ROBO2: variants seen among roughly 807,000 people sequenced by gnomAD.
The protein encoded by ROBO2 is roundabout guidance receptor 2.
ROBO2 carries 53 observed loss-of-function variants against 160.8 expected under a neutral mutation model. That is an observed-to-expected ratio of 0.33 (90% confidence interval 0.26 to 0.41). The LOEUF is 0.41. Ranked by LOEUF, ROBO2 falls within the 10% of genes least tolerant of loss-of-function variation. The pLI, the probability that ROBO2 is intolerant of heterozygous loss-of-function variation, is 1.00. For synonymous variants in ROBO2, 664 were observed against 611.7 expected, an observed-to-expected ratio of 1.09 and a Z score of -1.26; for missense variants, 1,577 against 1,722.4, an observed-to-expected ratio of 0.92 and a Z score of 1.49.
chr3:77,481,173 T>C, exon 4 of ROBO2: 2 of 1,607,418 alleles, frequency 1.2e-6, no homozygotes, highest in Non-Finnish European at 1.7e-6. Context: ...TTGGTACCAA[T>C]ATGGTGGGAG....
intron 2 of ROBO2, among the ~76,000 whole-genome samples, chr3:76,722,100 C>A (rs1030564517): frequency 5.3e-5 from 8 of 152,012 alleles, no homozygotes; most frequent in African/African-American, 1.7e-4. Flanking sequence ...AAAGAGTGAA[C>A]CAACTGTAAA....
chr3:76,779,233 A>T (rs1027167032), intron 2 of ROBO2, among the ~76,000 whole-genome samples: 2 of 151,034 alleles, frequency 1.3e-5, no homozygotes, highest in African/African-American at 4.8e-5. Flanking sequence ...CAAAGTAAGG[A>T]GTTTGAGGAT....
intron 2 of ROBO2, among the ~76,000 whole-genome samples, chr3:77,472,579 T>A (rs2083464184): frequency 6.6e-6 from 1 of 152,288 alleles, no homozygotes; most frequent in Middle Eastern, 3.4e-3. Flanking sequence ...AGCTCACATA[T>A]GGAAGTGAAT....
At chr3:77,177,842 C>A (rs576426918) in intron 2 of ROBO2, among the ~76,000 whole-genome samples, 1 of 152,008 alleles carries the variant, frequency 6.6e-6, no homozygotes, top group Non-Finnish European at 1.5e-5. Flanking sequence ...TCCAATAAGT[C>A]AACACAAATC....
intron 2 of ROBO2, among the ~76,000 whole-genome samples, chr3:75,986,553 T>C (rs1023299941): frequency 1.3e-5 from 2 of 151,664 alleles, no homozygotes; most frequent in Admixed American, 6.6e-5. Context: ...GTTTATCAAG[T>C]ACAGTTTTTA....
chr3:76,925,891 C>T (rs772557457), intron 2 of ROBO2, among the ~76,000 whole-genome samples: 10 of 152,100 alleles, frequency 6.6e-5, no homozygotes, highest in Non-Finnish European at 1.5e-4. Context: ...CAGAAAGAGC[C>T]TATAATCCTC....
intron 2 of ROBO2, among the ~76,000 whole-genome samples, chr3:76,568,858 A>G (rs1379937611): frequency 1.3e-5 from 2 of 152,160 alleles, no homozygotes; most frequent in South Asian, 4.1e-4. Flanking sequence ...ATAGCATTCT[A>G]TGTTCTACTA....
chr3:76,575,744 T>C (rs2085247061), intron 2 of ROBO2, among the ~76,000 whole-genome samples: 1 of 152,126 alleles, frequency 6.6e-6, no homozygotes, highest in African/African-American at 2.4e-5. Flanking sequence ...GGGGCAGTTC[T>C]TTTAAAATTC....
At chr3:76,364,578 T>TA (rs928846645) in intron 2 of ROBO2, among the ~76,000 whole-genome samples, 1 of 151,740 alleles carries the variant, frequency 6.6e-6, no homozygotes, top group African/African-American at 2.4e-5. Flanking sequence ...TTCATGAGAT[T>TA]AAAAAAAATA....
At chr3:77,094,864 CT>C (rs1208398614) in intron 1 of ROBO2, among the ~76,000 whole-genome samples, 4 of 151,998 alleles carry the variant, frequency 2.6e-5, no homozygotes, top group African/African-American at 9.6e-5. Context: ...TATTCTAATC[CT>C]TTGCCTATTT....
intron 2 of ROBO2, among the ~76,000 whole-genome samples, chr3:76,091,484 CA>C (rs1392900076): frequency 6.6e-6 from 1 of 152,130 alleles, no homozygotes; most frequent in African/African-American, 2.4e-5. Context: ...CTGGGGGCTA[CA>C]AAGTGGTACA....
intron 2 of ROBO2, among the ~76,000 whole-genome samples, chr3:76,847,164 C>T (rs1232409854): frequency 6.6e-6 from 1 of 152,090 alleles, no homozygotes; most frequent in East Asian, 1.9e-4. Context: ...TGGCATAGCA[C>T]ATACACTGTT....
chr3:76,807,551 A>G (rs2064827729), intron 2 of ROBO2, among the ~76,000 whole-genome samples: 1 of 152,042 alleles, frequency 6.6e-6, no homozygotes, highest in South Asian at 2.1e-4. Context: ...ATATTACCTC[A>G]TCATCTTTTA....
intron 2 of ROBO2, among the ~76,000 whole-genome samples, chr3:77,174,022 A>G (rs2079892364): frequency 6.6e-6 from 1 of 152,094 alleles, no homozygotes; most frequent in African/African-American, 2.4e-5. Context: ...CGTAGAAGAA[A>G]GGATGGAAGT....
chr3:77,240,535 C>G (rs2088874774), intron 2 of ROBO2, among the ~76,000 whole-genome samples: 1 of 152,184 alleles, frequency 6.6e-6, no homozygotes, highest in Non-Finnish European at 1.5e-5. Flanking sequence ...GGCTCCCACA[C>G]TGCAGCAGCG....
At chr3:77,449,725 G>A (rs533507005) in intron 2 of ROBO2, among the ~76,000 whole-genome samples, 2 of 152,022 alleles carry the variant, frequency 1.3e-5, no homozygotes, top group African/African-American at 2.4e-5. Flanking sequence ...ACTTCCACGT[G>A]CTTAGCTAGC....
chr3:76,807,801 T>C (rs2064851143), intron 2 of ROBO2, among the ~76,000 whole-genome samples: 1 of 152,042 alleles, frequency 6.6e-6, no homozygotes, highest in Non-Finnish European at 1.5e-5. Context: ...CTTTAAACAA[T>C]ATAATATATG....
At chr3:77,029,688 C>T (rs2063192323) in intron 2 of ROBO2, among the ~76,000 whole-genome samples, 1 of 152,108 alleles carries the variant, frequency 6.6e-6, no homozygotes, top group Non-Finnish European at 1.5e-5. Flanking sequence ...TATAGAATTA[C>T]TTTTAAATTT....
chr3:76,900,634 G>A (rs1003294548), intron 2 of ROBO2, among the ~76,000 whole-genome samples: 5 of 152,298 alleles, frequency 3.3e-5, no homozygotes, highest in South Asian at 4.1e-4. Context: ...TGGGACCAAC[G>A]CTGCTAGACG....
Sources: gnomAD v4.1 joint callset for allele counts (sites outside exome capture counted in the v4.1 genomes callset) on GRCh38, gnomAD v4.1.1 for gene constraint, MANE v1.5 for transcripts, NCBI Gene and HGNC (gene_info 2026-07-23, HGNC 2026-07-21) for gene names.